The following LEF1 variants were observed in gnomAD, a reference collection of about 807,000 sequenced individuals.
LEF1 encodes the protein lymphoid enhancer binding factor 1.
A neutral mutation model predicts 51.2 loss-of-function variants in LEF1; 14 were observed. That is an observed-to-expected ratio of 0.27 (90% CI 0.18 to 0.43). The LOEUF is 0.43. LEF1 is among the 20% of genes least tolerant of loss of function. The pLI, the probability that LEF1 is intolerant of heterozygous loss-of-function variation, is 1.00. For missense variants in LEF1, 386 were observed against 512.0 expected, an observed-to-expected ratio of 0.75 and a Z score of 2.37; for synonymous variants, 185 against 183.2, an observed-to-expected ratio of 1.01 and a Z score of -0.08.
At chr4:108,070,239 G>T (rs899121475) in intron 9 of LEF1, among the ~76,000 whole-genome samples, 1 of 151,790 alleles carries the variant, frequency 6.6e-6, no homozygotes, top group African/African-American at 2.4e-5. Context: ...TTATATATAA[G>T]ATCGAGAAGT....
At chr4:108,088,365 T>A (rs1164565064) in intron 4 of LEF1, among the ~76,000 whole-genome samples, 1 of 152,172 alleles carries the variant, frequency 6.6e-6, no homozygotes, top group Non-Finnish European at 1.5e-5. Context: ...CCTGTTGAAG[T>A]CCAAGTGCGC....
At chr4:108,157,102 G>C (rs1206672646) in intron 3 of LEF1, among the ~76,000 whole-genome samples, 2 of 150,294 alleles carry the variant, frequency 1.3e-5, no homozygotes, top group Non-Finnish European at 3.0e-5. Flanking sequence ...AGCTACCCTA[G>C]AACCACTCTC....
At position 108,167,834 on chromosome 4, in the gene LEF1, G is replaced by T; in HGVS notation, c.-67C>A. 1 of 1,390,744 alleles carries T rather than the reference G, an allele frequency of 7.2e-7. No individual in the cohort carries two copies. The highest frequency in any genetic ancestry group is 1.0e-6 in the Non-Finnish European group (1 of 998,500). 86.2% of individuals were successfully genotyped at this position (1,390,744 alleles called of 1,614,324 possible). ...GCGCAACAGCAGGAAAGACAGAGGG[G>T]TAACTCAAGGGTGGGGGAGGAAAGG... On this transcript the variant is annotated 5_prime_UTR_variant, in exon 1 of 12. Transcript: ENST00000265165. This position sits in a 1 kb window ranked among gnomAD's most constrained non-coding sequence, Gnocchi z 5.7.
At chr4:108,051,760 G>A (rs1737009146) in intron 11 of LEF1, among the ~76,000 whole-genome samples, 2 of 152,086 alleles carry the variant, frequency 1.3e-5, no homozygotes, top group Non-Finnish European at 2.9e-5. Flanking sequence ...TGCTCTCCTG[G>A]ACCAAATTCC....
chr4:108,153,963 T>C (rs566056175), intron 3 of LEF1, among the ~76,000 whole-genome samples: 2 of 152,362 alleles, frequency 1.3e-5, no homozygotes, highest in Admixed American at 1.3e-4. Context: ...TACATTTATA[T>C]GTGTGCACAG....
intron 9 of LEF1, among the ~76,000 whole-genome samples, chr4:108,066,469 G>A (rs926812309): frequency 9.9e-5 from 15 of 152,252 alleles, no homozygotes; most frequent in African/African-American, 3.6e-4. Flanking sequence ...ATGACTGAAT[G>A]CCTCACAGGT....
chr4:108,098,531 G>T (rs1218795067), intron 3 of LEF1, among the ~76,000 whole-genome samples: 1 of 152,104 alleles, frequency 6.6e-6, no homozygotes, highest in Non-Finnish European at 1.5e-5. Context: ...TAAGTTTCTA[G>T]GAAAAGCATT....
intron 8 of LEF1, among the ~76,000 whole-genome samples, chr4:108,074,515 A>G (rs1051842932): frequency 1.3e-5 from 2 of 152,242 alleles, no homozygotes; most frequent in African/African-American, 4.8e-5. Flanking sequence ...TTAGAGATAT[A>G]GTAAAGATGA....
At chr4:108,102,364 A>C (rs1253145716) in intron 3 of LEF1, among the ~76,000 whole-genome samples, 1 of 152,150 alleles carries the variant, frequency 6.6e-6, no homozygotes, top group African/African-American at 2.4e-5. Context: ...CAACCTACAG[A>C]TGAGACGTGG....
rs141886471 is a variant in LEF1, at chr4:108,070,806, A to G, written c.1009-36T>C. 7.4e-4 allele frequency: 1,012 copies of G among 1,365,998 alleles called. 8 individuals are homozygous for G. In the East Asian group the frequency reaches 0.02, roughly 27 times the overall value. 84.6% of individuals were successfully genotyped at this position (1,365,998 alleles called of 1,614,324 possible). A position where few individuals can be genotyped will look rare whatever the true frequency, so the allele number is the denominator to read the frequency against. On this transcript the variant is annotated intron_variant, in intron 8 of 11. Coordinates refer to ENST00000265165, the MANE Select transcript of LEF1 (RefSeq NM_016269.5). ...GAGGAAGGAAGAAAAAAACAAAAGT[A>G]AGCAAAATAGCAATAGCATATTTTA...
At chr4:108,074,660 G>C (rs140398834) in intron 8 of LEF1, among the ~76,000 whole-genome samples, 1 of 152,164 alleles carries the variant, frequency 6.6e-6, no homozygotes, top group Non-Finnish European at 1.5e-5. Context: ...CCTGCCAGAG[G>C]GGAGTTATGA....
At position 108,071,212 on chromosome 4, in the gene LEF1, A is replaced by T. The variant is rs144942971; in HGVS notation, c.1009-442T>A. ...TCCAGATGTCTTTTAAAACAGATAT[A>T]CCCTCTCCTCATATGAACACTTTCC... is the stretch of plus-strand genomic sequence containing the variant. On this transcript the variant is annotated intron_variant, in intron 8 of 11. Coordinates refer to ENST00000265165, the MANE Select transcript of LEF1 (RefSeq NM_016269.5). Among the ~76,000 whole-genome samples the T allele has an allele frequency of 4.9e-3, 746 of 152,350 alleles. 3 individuals are homozygous for T. Among genetic ancestry groups the T allele is most frequent in the African/African-American group, 0.016 (681 of 41,580 alleles).
intron 7 of LEF1, among the ~76,000 whole-genome samples, chr4:108,078,785 A>G (rs1331096717): frequency 1.3e-5 from 2 of 152,178 alleles, no homozygotes; most frequent in East Asian, 1.9e-4. Flanking sequence ...CTTTCAGAAT[A>G]GAGGTTCTTA....
intron 3 of LEF1, among the ~76,000 whole-genome samples, chr4:108,151,373 A>G (rs1011762858): frequency 2.6e-5 from 4 of 152,184 alleles, no homozygotes; most frequent in African/African-American, 9.7e-5. Flanking sequence ...CATCTTACCT[A>G]TGAGAAACTC....
At chr4:108,091,166 G>A (rs1218108936) in intron 3 of LEF1, among the ~76,000 whole-genome samples, 2 of 151,944 alleles carry the variant, frequency 1.3e-5, no homozygotes, top group African/African-American at 4.8e-5. Flanking sequence ...AAAATTTGAG[G>A]AAGTGCCTAA....
chr4:108,051,526 C>T (rs371161091), intron 11 of LEF1, among the ~76,000 whole-genome samples: 17 of 152,190 alleles, frequency 1.1e-4, no homozygotes, highest in Non-Finnish European at 1.9e-4. Context: ...TGGGCCAGGC[C>T]AGGCGAGCCC....
Position 108,099,721 on chromosome 4 carries a change from C to T in LEF1, c.415-10464G>A, listed in dbSNP as rs1005263770. Among the ~76,000 whole-genome samples the T allele has an allele frequency of 1.3e-3, 190 of 150,110 alleles. 4 individuals carry two copies. The highest frequency in any genetic ancestry group is 5.0e-4 in the Non-Finnish European group (34 of 67,564). On this transcript the variant is annotated intron_variant, in intron 3 of 11. Transcript: ENST00000265165. Reference sequence around the variant, plus strand: ...TGCCGCACCCATCAACCTATATCATCTACATTAGGTATTTCTCCAAATGCT... The same window carrying T: ...TGCCGCACCCATCAACCTATATCATTTACATTAGGTATTTCTCCAAATGCT...
chr4:108,166,265 T>C, intron 1 of LEF1: 1 of 1,535,986 alleles, frequency 6.5e-7, no homozygotes, highest in Non-Finnish European at 8.7e-7. Context: ...TCAAAATTCG[T>C]ACTCACCTCT....
At chr4:108,090,476 C>T (rs962302327) in intron 3 of LEF1, among the ~76,000 whole-genome samples, 2 of 151,950 alleles carry the variant, frequency 1.3e-5, no homozygotes, top group South Asian at 2.1e-4. Flanking sequence ...GTTGTTCCCC[C>T]CAACCCAAAA....
Sources: gnomAD v4.1 joint callset for allele counts (sites outside exome capture counted in the v4.1 genomes callset) on GRCh38, gnomAD v4.1.1 for gene constraint, Gnocchi (gnomAD v3.1) non-coding constraint, MANE v1.5 for transcripts, NCBI Gene and HGNC (gene_info 2026-07-23, HGNC 2026-07-21) for gene names.